Variants in NRG1 observed in about 807,000 individuals in gnomAD.
NRG1 encodes neuregulin 1.
NRG1 carries 18 observed loss-of-function variants against 63.8 expected under a neutral mutation model. The observed-to-expected ratio is 0.28, with a 90% CI of 0.19 to 0.42. The LOEUF is 0.42. Ranked by LOEUF, NRG1 falls within the 10% of genes least tolerant of loss-of-function variation. NRG1 has a pLI of 1.00. For synonymous variants in NRG1, 302 were observed against 301.3 expected (o/e 1.00, Z -0.02); for missense variants, 762 against 814.7 (o/e 0.94, Z 0.79).
At chr8:32,722,122 A>T in intron 5 of NRG1, 1 of 1,182,046 alleles carries the variant, frequency 8.5e-7, no homozygotes, top group Non-Finnish European at 1.2e-6. Context: ...TATTTTATTA[A>T]GCAAATGGCG....
intron 1 of NRG1, among the ~76,000 whole-genome samples, chr8:32,058,051 A>T (rs1823243862): frequency 6.1e-5 from 2 of 32,802 alleles, no homozygotes; most frequent in Non-Finnish European, 2.7e-3. Flanking sequence ...TATTCCAATT[A>T]TACCGACTTG....
chr8:32,249,060 T>A (rs891858236), intron 1 of NRG1, among the ~76,000 whole-genome samples: 7 of 152,130 alleles, frequency 4.6e-5, no homozygotes, highest in Non-Finnish European at 1.0e-4. Context: ...TATAAATGGT[T>A]ATTTATTTCT....
intron 1 of NRG1, among the ~76,000 whole-genome samples, chr8:32,350,844 T>A (rs2129479666): frequency 6.6e-6 from 1 of 152,280 alleles, no homozygotes; most frequent in East Asian, 1.9e-4. Context: ...ATTTGTTGAT[T>A]TTTTGAGGGC....
intron 1 of NRG1, among the ~76,000 whole-genome samples, chr8:32,137,151 A>G (rs1051010461): frequency 6.6e-6 from 1 of 152,154 alleles, no homozygotes; most frequent in Non-Finnish European, 1.5e-5. Flanking sequence ...CTTGTATAAT[A>G]TAAAGACATT....
intron 5 of NRG1, among the ~76,000 whole-genome samples, chr8:32,669,275 A>G (rs975016183): frequency 6.6e-6 from 1 of 152,196 alleles, no homozygotes; most frequent in African/African-American, 2.4e-5. Context: ...CATTTTCCCC[A>G]TTGATATTGA....
chr8:32,043,319 A>G (rs1405639398), intron 1 of NRG1, among the ~76,000 whole-genome samples: 1 of 152,108 alleles, frequency 6.6e-6, no homozygotes, highest in Non-Finnish European at 1.5e-5. Flanking sequence ...AAGAACTGTC[A>G]AGTAAAAATA....
chr8:31,796,217 C>A (rs1646313839), intron 1 of NRG1, among the ~76,000 whole-genome samples: 1 of 151,878 alleles, frequency 6.6e-6, no homozygotes, highest in South Asian at 2.1e-4. Context: ...AGAAATAGAC[C>A]AGATACTTCC....
At chr8:31,774,660 A>G (rs972703335) in intron 1 of NRG1, among the ~76,000 whole-genome samples, 5 of 152,168 alleles carry the variant, frequency 3.3e-5, no homozygotes, top group African/African-American at 4.8e-5. Context: ...CACTCTATTG[A>G]TTATTTCTGT....
intron 1 of NRG1, among the ~76,000 whole-genome samples, chr8:32,283,650 T>TTTC (rs1853157736): frequency 1.3e-5 from 2 of 152,332 alleles, no homozygotes; most frequent in South Asian, 4.1e-4. Context: ...CAAGATAATT[T>TTTC]TTCTTCTATT....
chr8:32,476,847 C>T (rs955727962), intron 1 of NRG1, among the ~76,000 whole-genome samples: 6 of 152,182 alleles, frequency 3.9e-5, no homozygotes, highest in African/African-American at 1.2e-4. Context: ...TTGACCTCTA[C>T]AAGAGCCAGC....
chr8:32,286,510 A>T (rs1032361395), intron 1 of NRG1, among the ~76,000 whole-genome samples: 2 of 152,206 alleles, frequency 1.3e-5, no homozygotes, highest in Non-Finnish European at 2.9e-5. Context: ...GGTGGGGCTT[A>T]ATAGGAGGTG....
intron 1 of NRG1, among the ~76,000 whole-genome samples, chr8:31,680,387 C>T (rs1278141414): frequency 4.0e-5 from 6 of 151,170 alleles, no homozygotes; most frequent in South Asian, 4.2e-4. Flanking sequence ...TGAGATTATG[C>T]AGTGTTTGGT....
chr8:31,768,617 A>T (rs1237653345), intron 1 of NRG1, among the ~76,000 whole-genome samples: 1 of 152,146 alleles, frequency 6.6e-6, no homozygotes, highest in Non-Finnish European at 1.5e-5. Flanking sequence ...CAGATCCAAC[A>T]CATACTAACC....
At chr8:31,902,383 TTC>T (rs753099210) in intron 1 of NRG1, among the ~76,000 whole-genome samples, 3 of 152,194 alleles carry the variant, frequency 2.0e-5, no homozygotes, top group Non-Finnish European at 4.4e-5. Flanking sequence ...TCACCTGAGA[TTC>T]TCTTTTTTGA....
intron 1 of NRG1, among the ~76,000 whole-genome samples, chr8:32,263,524 C>T (rs1850605412): frequency 6.6e-6 from 1 of 152,160 alleles, no homozygotes; most frequent in Non-Finnish European, 1.5e-5. Flanking sequence ...TCTTTTCCTT[C>T]TGTCTTGCTA....
rs924526020 is a variant in NRG1 at position 31,695,831 on chromosome 8, A to G, written c.37+56400A>G. 3.4e-5 allele frequency among the ~76,000 whole-genome samples: 5 copies of G among 147,034 alleles called. No homozygotes were observed. In the Admixed American group the frequency reaches 3.5e-4, roughly 10 times the overall value. On this transcript the variant is annotated intron_variant, in intron 1 of 10. Transcript: ENST00000519301. ...CATTAGCCAATAAATATAAGTGGCA[A>G]TTATTTAAGAAGAATAACATAATAA...
rs9942799 is a variant in NRG1 at position 32,229,362 on chromosome 8, G to C, written c.38-366466G>C. Among the ~76,000 whole-genome samples, 1,308 of 152,304 alleles carry C rather than the reference G, an allele frequency of 8.6e-3. 19 individuals are homozygous for C. Among genetic ancestry groups the C allele is most frequent in the African/African-American group, 0.03 (1,241 of 41,562 alleles). On this transcript the variant is annotated intron_variant, in intron 1 of 10. Transcript: ENST00000519301. ...AAATTGACAGCTTTTGGGTTTGTGA[G>C]GATATTGTGAGTCAGGGTTCTCCTG...
rs1057447166 is a variant in NRG1, at chr8:32,521,324, G to A, written c.38-74504G>A. 3.9e-5 allele frequency among the ~76,000 whole-genome samples: 6 copies of A among 152,180 alleles called. No individual in the cohort carries two copies. The East Asian group carries it at 9.7e-4, about 25-fold the overall frequency. ...AATAGTTGGTTTTGACAACACATAG[G>A]TGTATTATATTCTGCCTTTTTAGTG... On this transcript the variant is annotated intron_variant, in intron 1 of 10. Coordinates refer to the NRG1 transcript ENST00000519301.
At chr8:31,969,004 C>G (rs1426174453) in intron 1 of NRG1, among the ~76,000 whole-genome samples, 1 of 152,168 alleles carries the variant, frequency 6.6e-6, no homozygotes, top group East Asian at 1.9e-4. Context: ...TTTGAGCGCT[C>G]TCTCCGCTTC....
Sources: gnomAD v4.1 joint callset for allele counts (sites outside exome capture counted in the v4.1 genomes callset) on GRCh38, gnomAD v4.1.1 for gene constraint, MANE v1.5 for transcripts, NCBI Gene and HGNC (gene_info 2026-07-23, HGNC 2026-07-21) for gene names.